Variants in RAI14 observed in about 807,000 individuals in gnomAD.
RAI14 encodes retinoic acid induced 14, also known as ankycorbin.
Under a neutral mutation model 115.4 loss-of-function variants are expected in RAI14, and 45 were observed. The ratio of observed to expected loss-of-function variants is 0.39; its 90% CI spans 0.31 to 0.50. The LOEUF is 0.50. RAI14 is among the 20% of genes least tolerant of loss of function. The pLI is 0.85. For missense variants in RAI14, 939 were observed against 1,131.2 expected (o/e 0.83, Z 2.44); for synonymous variants, 371 against 415.4 (o/e 0.89, Z 1.30).
intron 2 of RAI14, among the ~76,000 whole-genome samples, chr5:34,725,616 C>T (rs1440466674): frequency 6.6e-6 from 1 of 151,816 alleles, no homozygotes; most frequent in Non-Finnish European, 1.5e-5. Context: ...GAAGACAACT[C>T]ACAGCTACTA....
rs568367252 is a variant in RAI14, at chr5:34,746,376, A to G, written c.37-11092A>G. Among the ~76,000 whole-genome samples, 33 of 144,172 alleles carry G rather than the reference A, an allele frequency of 2.3e-4. 1 individual carries two copies. The highest frequency in any genetic ancestry group is 8.0e-4 in the African/African-American group (31 of 38,640). The allele number at this position is 144,172 out of a possible 152,430, so 94.6% of individuals were successfully genotyped here. On this transcript the variant is annotated intron_variant, in intron 2 of 17. Transcript: ENST00000265109. The stretch of plus-strand genomic sequence containing the variant: ...TGCCTCAGCCTCCCAAAGTGCTGGG[A>G]TTACAGGTGTGAGCCGCTGCGCCTG...
chr5:34,688,407 C>CAT (rs1738137278), intron 2 of RAI14: 9 of 630,260 alleles, frequency 1.4e-5, no homozygotes, highest in African/African-American at 3.7e-5. Context: ...TCTAGACTTC[C>CAT]ATATATATAT....
intron 3 of RAI14, among the ~76,000 whole-genome samples, chr5:34,778,329 G>A (rs765222004): frequency 3.0e-4 from 46 of 152,130 alleles, no homozygotes; most frequent in Non-Finnish European, 6.3e-4. Context: ...ACATGCTCCT[G>A]TTCCCCAGGC....
At chr5:34,721,431 C>G (rs1742743747) in intron 2 of RAI14, among the ~76,000 whole-genome samples, 1 of 150,556 alleles carries the variant, frequency 6.6e-6, no homozygotes, top group African/African-American at 2.4e-5. Context: ...AAAAATAATA[C>G]AAGGATCTCA....
At chr5:34,780,855 C>T (rs1751523904) in intron 3 of RAI14, among the ~76,000 whole-genome samples, 2 of 152,120 alleles carry the variant, frequency 1.3e-5, no homozygotes, top group Admixed American at 1.3e-4. Context: ...TTTGACCCAG[C>T]CATCGCATTA....
chr5:34,734,902 G>A (rs547166491), intron 2 of RAI14, among the ~76,000 whole-genome samples: 4 of 151,908 alleles, frequency 2.6e-5, no homozygotes, highest in Non-Finnish European at 5.9e-5. Flanking sequence ...CTTATGATCC[G>A]CCTGCCTCAG....
intron 2 of RAI14, among the ~76,000 whole-genome samples, chr5:34,742,361 G>A (rs184589808): frequency 2.6e-5 from 4 of 152,326 alleles, no homozygotes; most frequent in African/African-American, 9.6e-5. Context: ...TATCAAGCCA[G>A]TGTGTCATCT....
chr5:34,720,009 A>G (rs1479890829), intron 2 of RAI14, among the ~76,000 whole-genome samples: 1 of 152,176 alleles, frequency 6.6e-6, no homozygotes, highest in Non-Finnish European at 1.5e-5. Flanking sequence ...AAAAATTTAA[A>G]TAATTATAGA....
chr5:34,799,532 ACAC>A (rs1264633558), intron 4 of RAI14, among the ~76,000 whole-genome samples: 8 of 82,186 alleles, frequency 9.7e-5, no homozygotes, highest in African/African-American at 2.6e-4. Context: ...ACACACACAC[ACAC>A]ACACAAAACC....
At chr5:34,799,522 ACACACACACACAC>A (rs1350977046) in intron 4 of RAI14, among the ~76,000 whole-genome samples, 4 of 112,790 alleles carry the variant, frequency 3.5e-5, no homozygotes, top group East Asian at 2.4e-4. Flanking sequence ...ACACACACAC[ACACACACACACAC>A]ACACAAAACC....
intron 3 of RAI14, among the ~76,000 whole-genome samples, chr5:34,772,598 A>C (rs1261489362): frequency 6.6e-6 from 1 of 152,164 alleles, no homozygotes. Context: ...CAACTGCCTC[A>C]GATTGGTTTA....
At chr5:34,699,647 A>T (rs2149925315) in intron 2 of RAI14, among the ~76,000 whole-genome samples, 1 of 152,292 alleles carries the variant, frequency 6.6e-6, no homozygotes, top group East Asian at 1.9e-4. Flanking sequence ...TTAGGGCTTC[A>T]ACATATGGAT....
intron 3 of RAI14, among the ~76,000 whole-genome samples, chr5:34,784,595 G>A (rs929059716): frequency 1.3e-5 from 2 of 152,138 alleles, no homozygotes; most frequent in African/African-American, 4.8e-5. Context: ...ATCCAAATAA[G>A]GAGTTAGAGT....
intron 1 of RAI14, chr5:34,667,130 C>T (rs1431049905): frequency 6.6e-6 from 1 of 152,196 alleles, no homozygotes; most frequent in Non-Finnish European, 1.5e-5. Flanking sequence ...ACACATTATA[C>T]TTTTCTGTTT....
At chr5:34,691,137 A>C (rs1738540491) in intron 2 of RAI14, among the ~76,000 whole-genome samples, 1 of 151,972 alleles carries the variant, frequency 6.6e-6, no homozygotes, top group African/African-American at 2.4e-5. Context: ...TAGGAGTTGG[A>C]AGGATGGTTG....
At chr5:34,757,292 C>G in intron 2 of RAI14, 176 bp from the exon 3 acceptor site, 1 of 709,356 alleles carries the variant, frequency 1.4e-6, no homozygotes, top group Non-Finnish European at 2.5e-6. Flanking sequence ...TTTGGGAAAG[C>G]GGCCTTCTTG....
In RAI14 at chr5:34,675,755, A is replaced by G. The variant is rs573999692; in HGVS notation, c.-48-11117A>G. ...AACAGAGAAAGACTCTGTCTCTTAA[A>G]AAAAAGAAAAAAAAAAAGGAATGGA... is the stretch of plus-strand genomic sequence containing the variant. On this transcript the variant is annotated intron_variant, in intron 1 of 17. Transcript: ENST00000265109. Among the ~76,000 whole-genome samples the G allele has an allele frequency of 6.2e-3, 859 of 138,902 alleles. 7 individuals are homozygous for G. Among genetic ancestry groups the G allele is most frequent in the African/African-American group, 0.02 (831 of 41,062 alleles). The allele number at this position is 138,902 out of a possible 152,430, so 91.1% of individuals were successfully genotyped here. A position where few individuals can be genotyped will look rare whatever the true frequency, so the allele number is the denominator to read the frequency against.
chr5:34,811,692 T>C (rs1755607146), intron 8 of RAI14, 75 bp from the exon 9 acceptor site: 1 of 1,347,840 alleles, frequency 7.4e-7, no homozygotes, highest in South Asian at 1.4e-5. Flanking sequence ...TTCTCTTTTT[T>C]TAAGACAACT....
At chr5:34,669,135 G>A (rs749081049) in intron 1 of RAI14, among the ~76,000 whole-genome samples, 4 of 152,206 alleles carry the variant, frequency 2.6e-5, no homozygotes, top group African/African-American at 7.2e-5. Flanking sequence ...GATTACAGGC[G>A]TGAGCCACCA....
Sources: allele counts gnomAD v4.1 joint callset (sites outside exome capture counted in the v4.1 genomes callset), GRCh38; gene constraint gnomAD v4.1.1; transcripts MANE v1.5; gene names NCBI Gene and HGNC (gene_info 2026-07-23, HGNC 2026-07-21).